LAMA2: variants seen among roughly 807,000 people sequenced by gnomAD.
LAMA2 encodes laminin subunit alpha-2.
LAMA2 carries 269 observed loss-of-function variants against 364.8 expected under a neutral mutation model. The observed-to-expected ratio is 0.74, with a 90% CI of 0.67 to 0.82. LAMA2 has a LOEUF of 0.82. Among genes scored for constraint, LAMA2 ranks in the 40% least tolerant of loss-of-function variants. The pLI, the probability that LAMA2 is intolerant of heterozygous loss-of-function variation, is 0.00. For synonymous variants in LAMA2, 1,379 were observed against 1,370.6 expected (o/e 1.01, Z -0.14); for missense variants, 3,807 against 3,873.2 (o/e 0.98, Z 0.45).
At chr6:129,413,322 G>T (rs969748920) in intron 40 of LAMA2, among the ~76,000 whole-genome samples, 1 of 151,900 alleles carries the variant, frequency 6.6e-6, no homozygotes, top group African/African-American at 2.4e-5. Flanking sequence ...ATCAGAATGA[G>T]AACATTTTCA....
intron 1 of LAMA2, among the ~76,000 whole-genome samples, chr6:128,889,270 T>C (rs962019077): frequency 2.0e-5 from 3 of 152,228 alleles, no homozygotes; most frequent in African/African-American, 7.2e-5. Flanking sequence ...TCTATTTCAA[T>C]CTCAGACGCT....
intron 40 of LAMA2, among the ~76,000 whole-genome samples, chr6:129,415,948 T>C (rs1463692274): frequency 2.8e-5 from 1 of 35,606 alleles, no homozygotes; most frequent in Non-Finnish European, 5.1e-5. Context: ...TTTCTTTCTT[T>C]TTTTTTTTTT....
chr6:129,128,013 T>C (rs373046089), intron 4 of LAMA2, among the ~76,000 whole-genome samples: 9 of 152,320 alleles, frequency 5.9e-5, no homozygotes, highest in African/African-American at 1.7e-4. Flanking sequence ...TATGACCCAA[T>C]TTGTTTGTTT....
chr6:129,228,313 A>G (rs1484391763), intron 12 of LAMA2, among the ~76,000 whole-genome samples: 22 of 151,912 alleles, frequency 1.4e-4, no homozygotes, highest in Admixed American at 1.4e-3. Flanking sequence ...TTTGGCTGAC[A>G]CTTGATGGGC....
chr6:129,283,649 A>G (rs1788889511), intron 18 of LAMA2, among the ~76,000 whole-genome samples: 1 of 151,188 alleles, frequency 6.6e-6, no homozygotes, highest in South Asian at 2.1e-4. Flanking sequence ...ATTCATCTAC[A>G]GTTTTATCCT....
chr6:129,025,104 T>C (rs1000487612), intron 1 of LAMA2, among the ~76,000 whole-genome samples: 15 of 152,196 alleles, frequency 9.9e-5, no homozygotes, highest in African/African-American at 3.1e-4. Flanking sequence ...ACATTATAAG[T>C]GTCTGTTTTG....
intron 1 of LAMA2, among the ~76,000 whole-genome samples, chr6:128,991,882 AT>A (rs1445040680): frequency 3.3e-5 from 5 of 152,214 alleles, no homozygotes; most frequent in Admixed American, 6.5e-5. Flanking sequence ...AGGGAAATAC[AT>A]TCACAGTCCA....
chr6:129,016,379 C>G (rs76826367), intron 1 of LAMA2, among the ~76,000 whole-genome samples: 1 of 151,950 alleles, frequency 6.6e-6, no homozygotes, highest in South Asian at 2.1e-4. Context: ...AAGACATATT[C>G]AAGAATGCTC....
chr6:129,468,271 A>T (rs111743486), intron 51 of LAMA2, among the ~76,000 whole-genome samples: 1 of 151,924 alleles, frequency 6.6e-6, no homozygotes. Flanking sequence ...TTCTTAAATT[A>T]GACTGGGAAC....
rs115261652 is a variant in LAMA2 at position 128,953,744 on chromosome 6, G to A, written c.112+70387G>A. On this transcript the variant is annotated intron_variant, in intron 1 of 64. Coordinates refer to ENST00000421865, the MANE Select transcript of LAMA2 (RefSeq NM_000426.4). The stretch of plus-strand genomic sequence containing the variant: ...AATTGTGTTGACTAGTTTCTTTATC[G>A]TTCTCTTCCAAACTGATAAAAGGAC... Among the ~76,000 whole-genome samples the A allele has an allele frequency of 7.1e-3, 1,077 of 151,774 alleles. 13 individuals carry two copies. The highest frequency in any genetic ancestry group is 0.025 in the African/African-American group (1,015 of 41,418).
chr6:128,899,705 T>A (rs1419666081), intron 1 of LAMA2, among the ~76,000 whole-genome samples: 1 of 152,146 alleles, frequency 6.6e-6, no homozygotes, highest in Non-Finnish European at 1.5e-5. Context: ...GTTATTATTA[T>A]TAATATCACC....
intron 52 of LAMA2, among the ~76,000 whole-genome samples, chr6:129,473,922 T>C (rs570370217): frequency 2.0e-5 from 3 of 152,156 alleles, no homozygotes; most frequent in Admixed American, 6.6e-5. Context: ...ATTTAGTTAG[T>C]TCAAAAAATA....
rs1490319700 is a variant in LAMA2, at chr6:128,972,418, C to T, written c.113-77500C>T. Among the ~76,000 whole-genome samples the T allele has an allele frequency of 7.2e-5, 11 of 152,276 alleles. No homozygotes were observed. The South Asian group carries it at 2.3e-3, about 32-fold the overall frequency. On this transcript the variant is annotated intron_variant, in intron 1 of 64. Coordinates refer to ENST00000421865, the MANE Select transcript of LAMA2 (RefSeq NM_000426.4). The stretch of plus-strand genomic sequence containing the variant: ...GTTATATGTGGATTATAATGTCTGC[C>T]TCATGCTTGTTGTGAACATTCAATG...
At chr6:129,474,649 T>C (rs1054122483) in intron 52 of LAMA2, among the ~76,000 whole-genome samples, 6 of 152,170 alleles carry the variant, frequency 3.9e-5, no homozygotes, top group South Asian at 2.1e-4. Flanking sequence ...GTGAATTAAA[T>C]ACAGCCAAAC....
intron 12 of LAMA2, among the ~76,000 whole-genome samples, chr6:129,203,794 G>T (rs1272726362): frequency 6.6e-6 from 1 of 152,072 alleles, no homozygotes; most frequent in African/African-American, 2.4e-5. Flanking sequence ...CTGGATCTCT[G>T]CTTTATTAGC....
At position 129,403,907 on chromosome 6, in the gene LAMA2, C is replaced by A; in HGVS notation, c.5813C>A (p.Ala1938Asp). Reference sequence around the variant, plus strand: ...AATATTAAGGACTATATTGATGAAGCTGAGAAAGTTGCCAAAGAAGCCAAA... The same window carrying A: ...AATATTAAGGACTATATTGATGAAGATGAGAAAGTTGCCAAAGAAGCCAAA... ...YSNIKDYIDE[A>D]EKVAKEAKDL... Residue 1938 changes from alanine to aspartate, a missense_variant, in exon 40 of 65, where the codon GCT becomes GAT. Physicochemically the swap from Ala to Asp is moderately radical, Grantham distance 126. This residue lies in a region of LAMA2 where 3,333 missense variants were observed against 3,345.7 expected (regional missense o/e 1.00). Coordinates refer to ENST00000421865, the MANE Select transcript of LAMA2 (RefSeq NM_000426.4). 3.1e-6 allele frequency: 5 copies of A among 1,613,864 alleles called. No homozygotes were observed. Among genetic ancestry groups the A allele is most frequent in the Non-Finnish European group, 3.4e-6 (4 of 1,179,862 alleles).
intron 1 of LAMA2, chr6:128,929,465 C>T: frequency 1.2e-6 from 1 of 836,582 alleles, no homozygotes; most frequent in Non-Finnish European, 2.1e-6. Context: ...AGGAAAGATA[C>T]CTCCATTTGA....
chr6:128,994,822 A>G (rs1417479610), intron 1 of LAMA2, among the ~76,000 whole-genome samples: 1 of 152,092 alleles, frequency 6.6e-6, no homozygotes, highest in African/African-American at 2.4e-5. Context: ...TAGCTAATTA[A>G]CATTAATTCT....
intron 10 of LAMA2, 95 bp from the exon 11 acceptor site, chr6:129,190,110 A>G (rs1333859996): frequency 4.1e-6 from 5 of 1,232,366 alleles, no homozygotes; most frequent in Admixed American, 1.7e-5. Context: ...GGGTAAAATG[A>G]AGAATGTACA....
Sources: gnomAD v4.1 joint callset for allele counts (sites outside exome capture counted in the v4.1 genomes callset) on GRCh38, gnomAD v4.1.1 for gene constraint, gnomAD v4.1.1 regional missense constraint, MANE v1.5 for transcripts, NCBI Gene and HGNC (gene_info 2026-07-23, HGNC 2026-07-21) for gene names.